The following RGL1 variants were observed in gnomAD, a reference collection of about 807,000 sequenced individuals.
RGL1 encodes the protein ral guanine nucleotide dissociation stimulator like 1, also known as ral guanine nucleotide dissociation stimulator-like 1.
A neutral mutation model predicts 95.2 loss-of-function variants in RGL1; 24 were observed. The observed-to-expected ratio is 0.25, with a 90% CI of 0.18 to 0.35. The LOEUF (loss-of-function observed/expected upper bound fraction) is 0.35, where lower values mean the gene tolerates loss of function less well. Among genes scored for constraint, RGL1 ranks in the 10% least tolerant of loss-of-function variants. The pLI is 1.00. For missense variants in RGL1, 715 were observed against 936.3 expected (o/e 0.76, Z 3.08); for synonymous variants, 329 against 344.9 (o/e 0.95, Z 0.51).
chr1:183,665,298 T>G (rs1219641141), intron 1 of RGL1, among the ~76,000 whole-genome samples: 1 of 152,214 alleles, frequency 6.6e-6, no homozygotes, highest in African/African-American at 2.4e-5. Context: ...TTGCTAATAC[T>G]TTCGTTGAGA....
chr1:183,745,825 T>A (rs1184485181), intron 2 of RGL1, among the ~76,000 whole-genome samples: 1 of 152,144 alleles, frequency 6.6e-6, no homozygotes, highest in East Asian at 1.9e-4. Flanking sequence ...TTGTTGGGAA[T>A]TTGATTTGGA....
At chr1:183,882,402 A>G (rs1666874991) in intron 5 of RGL1, among the ~76,000 whole-genome samples, 1 of 152,220 alleles carries the variant, frequency 6.6e-6, no homozygotes, top group South Asian at 2.1e-4. Flanking sequence ...ATTTGTTGAC[A>G]AGACGAGGGA....
chr1:183,660,861 C>G (rs1159367078), intron 1 of RGL1, among the ~76,000 whole-genome samples: 2 of 152,226 alleles, frequency 1.3e-5, no homozygotes, highest in Non-Finnish European at 2.9e-5. Context: ...AACTGTCTCT[C>G]AGACCACAGT....
chr1:183,857,202 C>A (rs576064446), intron 3 of RGL1, among the ~76,000 whole-genome samples: 1 of 152,102 alleles, frequency 6.6e-6, no homozygotes, highest in Non-Finnish European at 1.5e-5. Flanking sequence ...TGCTATGTTG[C>A]TGGCTTTGAA....
intron 1 of RGL1, among the ~76,000 whole-genome samples, chr1:183,685,097 A>T (rs10494564): frequency 0.081 from 12,326 of 152,204 alleles, 923 homozygotes; most frequent in African/African-American, 0.2. Context: ...TATCTTGACC[A>T]CTTGATTTAG....
At chr1:183,661,761 A>G in intron 1 of RGL1, among the ~76,000 whole-genome samples, 1 of 151,034 alleles carries the variant, frequency 6.6e-6, no homozygotes, top group Non-Finnish European at 1.5e-5. Context: ...CAACCAAAAA[A>G]GAGAATTTTA....
At chr1:183,666,458 T>C (rs1652045444) in intron 1 of RGL1, among the ~76,000 whole-genome samples, 1 of 152,236 alleles carries the variant, frequency 6.6e-6, no homozygotes, top group Admixed American at 6.5e-5. Context: ...GACCTATGTA[T>C]TATTTAGAAC....
chr1:183,841,319 C>A (rs1024378974), intron 2 of RGL1, among the ~76,000 whole-genome samples: 1 of 152,140 alleles, frequency 6.6e-6, no homozygotes, highest in Non-Finnish European at 1.5e-5. Context: ...ATGGGACATA[C>A]TTATACCACA....
intron 1 of RGL1, chr1:183,709,504 C>G (rs1415620884): frequency 6.6e-6 from 1 of 152,242 alleles, no homozygotes; most frequent in African/African-American, 2.4e-5. Context: ...ATGGGAGTTC[C>G]TAGATTGGGG....
At chr1:183,784,101 G>A (rs1333692463) in intron 2 of RGL1, among the ~76,000 whole-genome samples, 1 of 152,208 alleles carries the variant, frequency 6.6e-6, no homozygotes, top group Non-Finnish European at 1.5e-5. Context: ...CTGGTTTGCT[G>A]CAAAAGACAG....
intron 2 of RGL1, among the ~76,000 whole-genome samples, chr1:183,798,010 C>A (rs540865152): frequency 6.6e-6 from 1 of 152,202 alleles, no homozygotes; most frequent in East Asian, 1.9e-4. Flanking sequence ...TAAATTATTG[C>A]AAAAGGGCAA....
intron 3 of RGL1, among the ~76,000 whole-genome samples, chr1:183,863,364 G>T (rs187357160): frequency 2.0e-3 from 296 of 151,740 alleles, no homozygotes; most frequent in African/African-American, 7.0e-3. Flanking sequence ...ACAGCGTCTT[G>T]CTATGTGTTG....
intron 15 of RGL1, among the ~76,000 whole-genome samples, chr1:183,915,910 G>A (rs1423115722): frequency 6.6e-6 from 1 of 152,202 alleles, no homozygotes; most frequent in Admixed American, 6.5e-5. Context: ...TGGGTCTCAG[G>A]TTCCTCAGCA....
intron 2 of RGL1, among the ~76,000 whole-genome samples, chr1:183,845,938 A>G (rs1206948461): frequency 6.6e-6 from 1 of 152,150 alleles, no homozygotes; most frequent in Non-Finnish European, 1.5e-5. Context: ...CCCATTCTCT[A>G]GGTTGCCTGT....
At chr1:183,779,980 A>G (rs945813582) in intron 2 of RGL1, among the ~76,000 whole-genome samples, 4 of 152,220 alleles carry the variant, frequency 2.6e-5, no homozygotes, top group Non-Finnish European at 5.9e-5. Context: ...AAGAATGCTC[A>G]GATCAAATAG....
At chr1:183,752,233 AT>A (rs201979430) in intron 2 of RGL1, among the ~76,000 whole-genome samples, 43 of 147,250 alleles carry the variant, frequency 2.9e-4, no homozygotes, top group Middle Eastern at 3.5e-3. Flanking sequence ...AGATTTCTTA[AT>A]TTTTTTTTTT....
chr1:183,863,798 G>A (rs1371921743), intron 3 of RGL1, among the ~76,000 whole-genome samples: 1 of 152,020 alleles, frequency 6.6e-6, no homozygotes, highest in Non-Finnish European at 1.5e-5. Context: ...TTTATCCATG[G>A]CCCTTATTGG....
intron 2 of RGL1, among the ~76,000 whole-genome samples, chr1:183,743,034 C>T (rs1456987278): frequency 6.6e-6 from 1 of 151,934 alleles, no homozygotes; most frequent in African/African-American, 2.4e-5. Flanking sequence ...TTTTTGGAGA[C>T]AGGATCTTGC....
chr1:183,746,501 A>G (rs1056018310), intron 2 of RGL1, among the ~76,000 whole-genome samples: 1 of 152,112 alleles, frequency 6.6e-6, no homozygotes, highest in Non-Finnish European at 1.5e-5. Flanking sequence ...TCACTATTGT[A>G]CAATATGCCA....
Sources: allele counts gnomAD v4.1 joint callset (sites outside exome capture counted in the v4.1 genomes callset), GRCh38; gene constraint gnomAD v4.1.1; transcripts MANE v1.5; gene names NCBI Gene and HGNC (gene_info 2026-07-23, HGNC 2026-07-21).